Variants in MROH1 observed in about 807,000 individuals in gnomAD.
MROH1 encodes maestro heat-like repeat-containing protein family member 1.
In MROH1, 117 loss-of-function variants were observed where a neutral mutation model predicts 116.5. The ratio of observed to expected loss-of-function variants is 1.00; its 90% CI spans 0.86 to 1.17. The LOEUF is 1.17. Among genes scored for constraint, MROH1 ranks in the 50% most tolerant of loss-of-function variants. The probability of loss-of-function intolerance (pLI) is 0.00; values close to 1 mark genes in which losing one functional copy is unlikely to be tolerated. For missense variants in MROH1, 1,873 were observed against 1,338.5 expected (o/e 1.40, Z -6.23); for synonymous variants, 921 against 583.9 (o/e 1.58, Z -8.32).
chr8:144,187,930 C>T (rs1827604651), intron 7 of MROH1, among the ~76,000 whole-genome samples: 1 of 151,756 alleles, frequency 6.6e-6, no homozygotes, highest in African/African-American at 2.4e-5. Context: ...AGCATAGGTG[C>T]GGGTTCCGGT....
In MROH1 at chr8:144,163,570, A is replaced by G. The variant is rs1169374974; in HGVS notation, c.-56-201A>G. Among the ~76,000 whole-genome samples the G allele has an allele frequency of 2.0e-5, 3 of 152,182 alleles. No individual in the cohort carries two copies. The highest frequency in any genetic ancestry group is 1.3e-4 in the Admixed American group (2 of 15,266). Reference sequence around the variant, plus strand: ...TGCTGGTAGGGACTGATGGGTGCTCAGGGATGGAGGAGAGCTGGAAACTGT... The same window carrying G: ...TGCTGGTAGGGACTGATGGGTGCTCGGGGATGGAGGAGAGCTGGAAACTGT... On this transcript the variant is annotated intron_variant, in intron 2 of 43. Transcript: ENST00000326134. The surrounding 1 kb of genome is among the most constrained non-coding windows in gnomAD (Gnocchi z 4.4).
At chr8:144,225,495 C>T (rs532817733) in intron 14 of MROH1, among the ~76,000 whole-genome samples, 2 of 150,912 alleles carry the variant, frequency 1.3e-5, no homozygotes, top group Non-Finnish European at 3.0e-5. Context: ...AGGTCTGTTG[C>T]TTGTCTTTTT....
rs1209679519 is a variant in MROH1 at position 144,241,536 on chromosome 8, C to G, written c.2178+19C>G. 5 of 777,964 alleles carry G rather than the reference C, an allele frequency of 6.4e-6. No individual in the cohort carries two copies. In the East Asian group the frequency reaches 1.2e-4, roughly 19 times the overall value. 48.2% of individuals were successfully genotyped at this position (777,964 alleles called of 1,614,324 possible). A position where few individuals can be genotyped will look rare whatever the true frequency, so the allele number is the denominator to read the frequency against. ...TTTTAAGGTTAGGGTGACACCGGTGCAGGGCTGGGGACGGCTGTCTATCCA... is the reference window on the plus strand; with the variant it reads ...TTTTAAGGTTAGGGTGACACCGGTGGAGGGCTGGGGACGGCTGTCTATCCA... On this transcript the variant is annotated intron_variant, in intron 22 of 43. Coordinates refer to ENST00000326134, the MANE Select transcript of MROH1 (RefSeq NM_032450.3).
chr8:144,168,432 C>G lies in MROH1; in HGVS notation c.160C>G (p.His54Asp). The change falls in exon 4 of 44, where the codon CAT becomes GAT. Residue 54 changes from histidine to aspartate, a missense_variant. Coordinates refer to ENST00000326134, the MANE Select transcript of MROH1 (RefSeq NM_032450.3). ...TGCCTGCGAGGAGTATCTGCGGCAG[C>G]ATGACAAGGTATGTGTGCTCCTTGG... ...LRACEEYLRQ[H>D]DKLAHPYRAA... The G allele has an allele frequency of 6.2e-7, 1 of 1,606,804 alleles. No homozygotes were observed. The highest frequency in any genetic ancestry group is 2.2e-5 in the East Asian group (1 of 44,846).
intron 14 of MROH1, among the ~76,000 whole-genome samples, chr8:144,227,042 A>G (rs888242059): frequency 3.3e-5 from 5 of 152,150 alleles, no homozygotes; most frequent in Non-Finnish European, 5.9e-5. Context: ...TAATGGTACA[A>G]TTTTGTTCAT....
At chr8:144,204,730 T>C (rs983655276) in intron 12 of MROH1, among the ~76,000 whole-genome samples, 2 of 152,238 alleles carry the variant, frequency 1.3e-5, no homozygotes, top group African/African-American at 4.8e-5. Flanking sequence ...GTACAGCTTA[T>C]TTATTTTCAC....
intron 14 of MROH1, among the ~76,000 whole-genome samples, chr8:144,224,355 G>T (rs995042187): frequency 3.3e-5 from 5 of 152,074 alleles, no homozygotes; most frequent in African/African-American, 7.2e-5. Flanking sequence ...CTGCAGCCTT[G>T]AACTGTGCTG....
intron 12 of MROH1, among the ~76,000 whole-genome samples, chr8:144,203,467 G>A (rs1291376382): frequency 2.7e-5 from 4 of 150,738 alleles, no homozygotes; most frequent in Non-Finnish European, 4.4e-5. Flanking sequence ...GGAGGGGAAG[G>A]GAGGGAAGCG....
At position 144,259,285 on chromosome 8, in the gene MROH1, G is replaced by A; in HGVS notation, c.3975G>A (p.Lys1325=). The part of the protein sequence containing the change: ...HAGPRLPLVL[K]TLACTHSSAY... ...GGCCCCGACTCCCCCTGGTGCTGAA[G>A]ACGCTGGCATGCACACACAGCAGTG... is the stretch of plus-strand genomic sequence containing the variant. The change falls in exon 37 of 44, where the codon AAG becomes AAA. Residue 1325 remains lysine, a synonymous_variant. Coordinates refer to ENST00000326134, the MANE Select transcript of MROH1 (RefSeq NM_032450.3). 2.8e-6 allele frequency: 2 copies of A among 715,034 alleles called. No homozygotes were observed. Among genetic ancestry groups the A allele is most frequent in the Non-Finnish European group, 2.6e-6 (1 of 384,896 alleles). The allele number at this position is 715,034 out of a possible 1,614,324, so 44.3% of individuals were successfully genotyped here. A position where few individuals can be genotyped will look rare whatever the true frequency, so the allele number is the denominator to read the frequency against.
intron 12 of MROH1, among the ~76,000 whole-genome samples, chr8:144,204,466 T>C (rs1266046220): frequency 6.6e-6 from 1 of 152,216 alleles, no homozygotes; most frequent in Non-Finnish European, 1.5e-5. Context: ...TACAGAAAAA[T>C]GTACACGTTA....
At chr8:144,256,070 G>A (rs1159549545) in intron 35 of MROH1, among the ~76,000 whole-genome samples, 1 of 152,172 alleles carries the variant, frequency 6.6e-6, no homozygotes, top group Non-Finnish European at 1.5e-5. Flanking sequence ...GGTCAACCAT[G>A]GCAGGACCAG....
chr8:144,247,651 T>G lies in MROH1; in HGVS notation c.3092T>G (p.Leu1031Arg). The change falls in exon 31 of 44, where the codon CTC becomes CGC. Residue 1031 changes from leucine to arginine, a missense_variant. Physicochemically the swap from Leu to Arg is moderately radical, Grantham distance 102. Transcript: ENST00000326134. The part of the protein sequence containing the change: ...DGLVHPDPAI[L>R]FHTCHSVGQI... ...CTCGTGCACCCTGACCCCGCCATTC[T>G]CTTCCACACCTGCCACAGTGTAGGC... 12 of 768,934 alleles carry G rather than the reference T, an allele frequency of 1.6e-5. No homozygotes were observed. The highest frequency in any genetic ancestry group is 1.5e-4 in the South Asian group (11 of 73,882). 47.6% of individuals were successfully genotyped at this position (768,934 alleles called of 1,614,324 possible).
intron 1 of MROH1, among the ~76,000 whole-genome samples, chr8:144,149,070 G>A (rs1203960688): frequency 6.6e-6 from 1 of 150,866 alleles, no homozygotes; most frequent in Admixed American, 6.6e-5. Context: ...GTTTAGAGCT[G>A]TTGGGTCTCA....
intron 33 of MROH1, chr8:144,251,115 A>ACCT (rs1312910423): frequency 6.3e-6 from 1 of 159,526 alleles, no homozygotes; most frequent in Non-Finnish European, 1.4e-5. Flanking sequence ...CGGGGAACAC[A>ACCT]GGTTTCCTTG....
At chr8:144,231,436 TC>T in intron 14 of MROH1, among the ~76,000 whole-genome samples, 1 of 152,124 alleles carries the variant, frequency 6.6e-6, no homozygotes, top group Non-Finnish European at 1.5e-5. Flanking sequence ...GTGCGGCTCT[TC>T]CTCTCACATG....
At chr8:144,186,977 A>G (rs1385369150) in intron 7 of MROH1, among the ~76,000 whole-genome samples, 2 of 152,152 alleles carry the variant, frequency 1.3e-5, no homozygotes, top group South Asian at 2.1e-4. Context: ...GTGTGCCTAT[A>G]GTCCCAGCTA....
In MROH1 at chr8:144,247,423, G is replaced by T; in HGVS notation, c.2994G>T (p.Gln998His). Reference protein sequence around the residue: ...VDCVYSLLYLQLGYEGFSRDY... With the variant: ...VDCVYSLLYLHLGYEGFSRDY... Reference sequence around the variant, plus strand: ...GTGTCTACTCCCTGCTGTACCTCCAGCTCGGCTATGAGGGTGAGCCCTCGT... The same window carrying T: ...GTGTCTACTCCCTGCTGTACCTCCATCTCGGCTATGAGGGTGAGCCCTCGT... Residue 998 changes from glutamine (Q) to histidine (H), a missense_variant, in exon 30 of 44, where the codon CAG (glutamine) becomes CAT (histidine). By Grantham distance (24) the Gln-to-His change is conservative. Transcript: ENST00000326134. 2 of 770,888 alleles carry T rather than the reference G, an allele frequency of 2.6e-6. No individual in the cohort carries two copies. The highest frequency in any genetic ancestry group is 4.9e-5 in the East Asian group (2 of 40,776). The allele number at this position is 770,888 out of a possible 1,614,324, so 47.8% of individuals were successfully genotyped here.
intron 1 of MROH1, among the ~76,000 whole-genome samples, chr8:144,159,971 G>A (rs1010462936): frequency 2.0e-5 from 3 of 151,972 alleles, no homozygotes; most frequent in South Asian, 2.1e-4. Context: ...GGGTTTCACC[G>A]TGTTAGCCAG....
chr8:144,255,601 G>A lies in MROH1; in HGVS notation c.3687G>A (p.Leu1229=), dbSNP rs1843594735. 1 of 778,842 alleles carries A rather than the reference G, an allele frequency of 1.3e-6. No individual in the cohort carries two copies. Among genetic ancestry groups the A allele is most frequent in the Non-Finnish European group, 2.4e-6 (1 of 417,690 alleles). 48.2% of individuals were successfully genotyped at this position (778,842 alleles called of 1,614,324 possible). Residue 1229 remains leucine (L), a synonymous_variant, in exon 35 of 44, where the codon CTG becomes CTA. Transcript: ENST00000326134. ...CCCAGCTGTTTGTGGTGCTTCTGCT[G>A]CGCGTCAGCTGCACCGTGGGTGTCC... The part of the protein sequence containing the change: ...LYPQLFVVLL[L]RVSCTVGVQL...
Sources: allele counts gnomAD v4.1 joint callset (sites outside exome capture counted in the v4.1 genomes callset), GRCh38; gene constraint gnomAD v4.1.1; non-coding constraint Gnocchi (gnomAD v3.1); transcripts MANE v1.5; gene names NCBI Gene and HGNC (gene_info 2026-07-23, HGNC 2026-07-21).